OPCML: variants seen among roughly 807,000 people sequenced by gnomAD.
The protein encoded by OPCML is opioid binding protein/cell adhesion molecule like, also known as opioid-binding protein/cell adhesion molecule.
A neutral mutation model predicts 37.8 loss-of-function variants in OPCML; 13 were observed. That is an observed-to-expected ratio of 0.34 (90% CI 0.22 to 0.55). OPCML has a LOEUF of 0.55. Among genes scored for constraint, OPCML ranks in the 20% least tolerant of loss-of-function variants. The pLI is 0.91. For synonymous variants in OPCML, 176 were observed against 168.8 expected (o/e 1.04, Z -0.33); for missense variants, 341 against 435.6 (o/e 0.78, Z 1.93).
intron 1 of OPCML, among the ~76,000 whole-genome samples, chr11:133,138,476 G>T (rs1191928447): frequency 6.6e-6 from 1 of 152,112 alleles, no homozygotes; most frequent in Non-Finnish European, 1.5e-5. Flanking sequence ...CTCTATGGTG[G>T]CTAGACAGCC....
chr11:132,675,017 C>A (rs1051713153), intron 2 of OPCML, among the ~76,000 whole-genome samples: 1 of 152,012 alleles, frequency 6.6e-6, no homozygotes, highest in African/African-American at 2.4e-5. Flanking sequence ...GAGTAAATTT[C>A]CCTGTGTCAT....
intron 1 of OPCML, among the ~76,000 whole-genome samples, chr11:133,353,810 A>C (rs1371015709): frequency 6.6e-6 from 1 of 152,210 alleles, no homozygotes; most frequent in Non-Finnish European, 1.5e-5. Context: ...ACAAAATCAG[A>C]GGCTTTATGC....
At chr11:133,403,967 C>G (rs190332324) in intron 1 of OPCML, among the ~76,000 whole-genome samples, 1 of 152,182 alleles carries the variant, frequency 6.6e-6, no homozygotes, top group East Asian at 1.9e-4. Flanking sequence ...AGTAGTGTTG[C>G]TTTGAACCAT....
chr11:132,456,040 T>C lies in OPCML; in HGVS notation c.506-18681A>G, dbSNP rs150350295. Reference sequence around the variant, plus strand: ...TTGGGGTAGAGGGGAGGTATAGGAATTCAAGGTTTTGTAGTCTAGTGCTCA... The same window carrying C: ...TTGGGGTAGAGGGGAGGTATAGGAACTCAAGGTTTTGTAGTCTAGTGCTCA... On this transcript the variant is annotated intron_variant, in intron 4 of 7. Transcript: ENST00000524381. 9.1e-3 allele frequency among the ~76,000 whole-genome samples: 1,382 copies of C among 152,260 alleles called. 22 individuals carry two copies. Among genetic ancestry groups the C allele is most frequent in the African/African-American group, 0.031 (1,284 of 41,554 alleles).
chr11:133,058,199 T>C (rs1053509131), intron 1 of OPCML, among the ~76,000 whole-genome samples: 3 of 151,902 alleles, frequency 2.0e-5, no homozygotes, highest in Non-Finnish European at 2.9e-5. Flanking sequence ...TATCAAACCA[T>C]AGAGGAGGAG....
chr11:132,568,050 G>A lies in OPCML; in HGVS notation c.380-38864C>T, dbSNP rs533997829. 3.5e-4 allele frequency among the ~76,000 whole-genome samples: 52 copies of A among 149,600 alleles called. 1 individual carries two copies. In the East Asian group the frequency reaches 3.9e-3, roughly 11 times the overall value. On this transcript the variant is annotated intron_variant, in intron 3 of 7. Coordinates refer to ENST00000524381, the MANE Select transcript of OPCML (RefSeq NM_001012393.5). Reference sequence around the variant, plus strand: ...TGTGTGTGTGTGTGTGTGCGCGCGCGCGCGTGTGTGTGTGTGTGTTTGATT... The same window carrying A: ...TGTGTGTGTGTGTGTGTGCGCGCGCACGCGTGTGTGTGTGTGTGTTTGATT...
At chr11:133,368,494 CT>C (rs1944602809) in intron 1 of OPCML, among the ~76,000 whole-genome samples, 1 of 152,142 alleles carries the variant, frequency 6.6e-6, no homozygotes, top group South Asian at 2.1e-4. Context: ...TAAGTGTGTC[CT>C]TATCCTCCCA....
chr11:132,947,550 G>A (rs1197382097), intron 1 of OPCML, among the ~76,000 whole-genome samples: 2 of 152,212 alleles, frequency 1.3e-5, no homozygotes, highest in Non-Finnish European at 2.9e-5. Context: ...TGAGCCTACA[G>A]TTGTGTGGGA....
chr11:133,326,812 T>A (rs2136637186), intron 1 of OPCML, among the ~76,000 whole-genome samples: 1 of 111,414 alleles, frequency 9.0e-6, no homozygotes, highest in Non-Finnish European at 1.9e-5. Flanking sequence ...TGTGTGTACA[T>A]TTGTGGGTGG....
At chr11:133,303,381 T>C (rs1441324722) in intron 1 of OPCML, among the ~76,000 whole-genome samples, 1 of 152,180 alleles carries the variant, frequency 6.6e-6, no homozygotes, top group Non-Finnish European at 1.5e-5. Context: ...ATGTGCCTTA[T>C]CACTTGCTTT....
At chr11:133,382,129 T>C (rs1381244680) in intron 1 of OPCML, among the ~76,000 whole-genome samples, 1 of 152,170 alleles carries the variant, frequency 6.6e-6, no homozygotes, top group East Asian at 1.9e-4. Context: ...TGGAAGGTGG[T>C]GTTATTGCTT....
intron 2 of OPCML, among the ~76,000 whole-genome samples, chr11:132,848,226 T>C (rs901943359): frequency 3.3e-5 from 5 of 152,338 alleles, no homozygotes; most frequent in South Asian, 4.1e-4. Flanking sequence ...CTTGTACTTA[T>C]GCCTGTAAAA....
chr11:132,720,990 T>C (rs1460951701), intron 2 of OPCML, among the ~76,000 whole-genome samples: 1 of 152,178 alleles, frequency 6.6e-6, no homozygotes, highest in African/African-American at 2.4e-5. Flanking sequence ...TAGCCAGCAA[T>C]CATTTAAAAT....
chr11:132,876,478 T>C (rs1565929628), intron 2 of OPCML, among the ~76,000 whole-genome samples: 3 of 152,156 alleles, frequency 2.0e-5, no homozygotes, highest in Non-Finnish European at 4.4e-5. Flanking sequence ...CCAGAGGCAA[T>C]GGAATCTCTC....
chr11:132,484,981 G>T (rs972194367), intron 4 of OPCML, among the ~76,000 whole-genome samples: 1 of 148,160 alleles, frequency 6.7e-6, no homozygotes, highest in East Asian at 2.0e-4. Flanking sequence ...TGACGAGTTA[G>T]TGGGTGCAGC....
chr11:132,978,975 C>G (rs547399751), intron 1 of OPCML, among the ~76,000 whole-genome samples: 1 of 152,128 alleles, frequency 6.6e-6, no homozygotes, highest in Non-Finnish European at 1.5e-5. Context: ...AACTCACAGC[C>G]CCCACATGTT....
chr11:133,265,321 A>G (rs1224807351), intron 1 of OPCML, among the ~76,000 whole-genome samples: 1 of 152,166 alleles, frequency 6.6e-6, no homozygotes, highest in East Asian at 1.9e-4. Flanking sequence ...CACATAGCAA[A>G]GAGTCTGCCA....
intron 1 of OPCML, among the ~76,000 whole-genome samples, chr11:133,527,492 T>C (rs1164347719): frequency 6.6e-6 from 1 of 152,232 alleles, no homozygotes; most frequent in East Asian, 1.9e-4. Context: ...GATTGTCTTT[T>C]ACTAATTTTC....
At chr11:132,437,151 C>T (rs2096015757) in intron 5 of OPCML, 71 bp downstream of exon 5, 1 of 1,576,942 alleles carries the variant, frequency 6.3e-7, no homozygotes, top group Admixed American at 1.8e-5. Context: ...ATGGCACTGC[C>T]ATTACCAGAT....
Sources: allele counts gnomAD v4.1 joint callset (sites outside exome capture counted in the v4.1 genomes callset), GRCh38; gene constraint gnomAD v4.1.1; transcripts MANE v1.5; gene names NCBI Gene and HGNC (gene_info 2026-07-23, HGNC 2026-07-21).